DHX34: variants seen among roughly 807,000 people sequenced by gnomAD.
DHX34 encodes the protein probable ATP-dependent RNA helicase DHX34.
A neutral mutation model predicts 111.1 loss-of-function variants in DHX34; 96 were observed. That is an observed-to-expected ratio of 0.86 (90% CI 0.73 to 1.02). The LOEUF (loss-of-function observed/expected upper bound fraction) is 1.02, where lower values mean the gene tolerates loss of function less well. DHX34 is among the 50% of genes least tolerant of loss of function. The pLI, the probability that DHX34 is intolerant of heterozygous loss-of-function variation, is 0.00. For missense variants in DHX34, 1,560 were observed against 1,579.9 expected (o/e 0.99, Z 0.21); for synonymous variants, 688 against 670.4 (o/e 1.03, Z -0.41).
At position 47,355,190 on chromosome 19, in the gene DHX34, T is replaced by C. The variant is rs146308315; in HGVS notation, c.857T>C (p.Leu286Pro). The change falls in exon 3 of 17, where the codon CTC becomes CCC. Residue 286 changes from leucine (L) to proline (P), a missense_variant. Transcript: ENST00000328771. ...GTGGATGAAGTCCATGAGCGGCATC[T>C]CCACAACGATTTCCTCCTGGGCGTC... ...LIVDEVHERH[L>P]HNDFLLGVLQ... 29 of 1,614,162 alleles carry C rather than the reference T, an allele frequency of 1.8e-5. 1 individual carries two copies. The Admixed American group carries it at 3.7e-4, about 20-fold the overall frequency.
rs1421615750 is a variant in DHX34, at chr19:47,376,296, GC to G, written c.2482-144del. The G allele has an allele frequency of 4.7e-6, 7 of 1,497,644 alleles. No individual in the cohort carries two copies. In the East Asian group the frequency reaches 9.8e-5, roughly 21 times the overall value. The allele number at this position is 1,497,644 out of a possible 1,614,324, so 92.8% of individuals were successfully genotyped here. On this transcript the variant is annotated intron_variant, in intron 11 of 16. Coordinates refer to ENST00000328771, the MANE Select transcript of DHX34 (RefSeq NM_014681.6). ...TTGGGGAGTCAAGAGCACTATAGGA[GC>G]CCACAGGGGGCATCTGCCCCAGATT...
rs141707203 is a variant in DHX34, at chr19:47,363,290, T to C, written c.1593+597T>C. ...ATTTTTAGTAGAGATCAGGTCTTGC[T>C]ATGTTGCCCAGGCTGGTCTCAAACT... On this transcript the variant is annotated intron_variant, in intron 6 of 16. Transcript: ENST00000328771. Among the ~76,000 whole-genome samples, 602 of 152,094 alleles carry C rather than the reference T, an allele frequency of 4.0e-3. 5 individuals are homozygous for C. The highest frequency in any genetic ancestry group is 0.013 in the African/African-American group (543 of 41,524).
intron 5 of DHX34, among the ~76,000 whole-genome samples, chr19:47,361,673 G>A (rs1969635287): frequency 6.6e-6 from 1 of 152,160 alleles, no homozygotes; most frequent in Admixed American, 6.6e-5. Flanking sequence ...CAGCTACTCA[G>A]GAGGCTGAGG....
intron 9 of DHX34, among the ~76,000 whole-genome samples, chr19:47,374,436 C>CA (rs35585186): frequency 0.37 from 38,734 of 103,352 alleles, 6,971 homozygotes; most frequent in African/African-American, 0.5. Flanking sequence ...AAACTCCACT[C>CA]AAAAAAAAAA....
In DHX34 at chr19:47,372,802, T is replaced by TCCAGTCGCCCTTCACCCGCAGCGC. The variant is rs756233397; in HGVS notation, c.1846_1869dup (p.Pro617_Ser624dup). ...CTCACCATCGCAGCCGCACTTAGCG[T>TCCAGTCGCCCTTCACCCGCAGCGC]CCAGTCGCCCTTCACCCGCAGCGCC... On this transcript the variant is annotated inframe_insertion, in exon 8 of 17. Coordinates refer to ENST00000328771, the MANE Select transcript of DHX34 (RefSeq NM_014681.6). The TCCAGTCGCCCTTCACCCGCAGCGC allele has an allele frequency of 1.8e-4, 290 of 1,613,030 alleles. No individual in the cohort carries two copies. The highest frequency in any genetic ancestry group is 2.3e-4 in the Non-Finnish European group (269 of 1,179,840).
rs914600597 is a variant in DHX34 at position 47,382,235 on chromosome 19, G to C, written c.*122G>C. The C allele has an allele frequency of 2.8e-5, 41 of 1,458,312 alleles. No homozygotes were observed. The highest frequency in any genetic ancestry group is 3.7e-5 in the Non-Finnish European group (41 of 1,102,342). 90.3% of individuals were successfully genotyped at this position (1,458,312 alleles called of 1,614,324 possible). A position where few individuals can be genotyped will look rare whatever the true frequency, so the allele number is the denominator to read the frequency against. On this transcript the variant is annotated 3_prime_UTR_variant, in exon 17 of 17. Coordinates refer to ENST00000328771, the MANE Select transcript of DHX34 (RefSeq NM_014681.6). ...AGCCCTGTGGTCCTGTCCCAGTGCA[G>C]AGGGCCTGGAGCACGGATTGTGAAT...
At position 47,367,118 on chromosome 19, in the gene DHX34, G is replaced by C; in HGVS notation, c.1731G>C (p.Gly577=). 6.3e-7 allele frequency: 1 copy of C among 1,586,312 alleles called. No homozygotes were observed. Among genetic ancestry groups the C allele is most frequent in the Non-Finnish European group, 8.6e-7 (1 of 1,166,402 alleles). ...LDSSEALTPI[G]SLLAQLPVDV... ...GCTCAGAGGCCCTCACACCCATTGGGTCCCTGCTAGCCCAGCTGCCTGTGG... is the reference window on the plus strand; with the variant it reads ...GCTCAGAGGCCCTCACACCCATTGGCTCCCTGCTAGCCCAGCTGCCTGTGG... The change falls in exon 7 of 17, where the codon GGG becomes GGC. Residue 577 remains glycine, a synonymous_variant. Transcript: ENST00000328771.
intron 6 of DHX34, among the ~76,000 whole-genome samples, chr19:47,365,676 G>A (rs1014634022): frequency 6.6e-6 from 1 of 152,202 alleles, no homozygotes; most frequent in African/African-American, 2.4e-5. Flanking sequence ...TCGGATCAAA[G>A]CCAGGCAAAC....
At chr19:47,359,250 T>A (rs1969551161) in intron 4 of DHX34, among the ~76,000 whole-genome samples, 1 of 151,962 alleles carries the variant, frequency 6.6e-6, no homozygotes, top group African/African-American at 2.4e-5. Flanking sequence ...TCACTCGAGC[T>A]CAGGAGTTAG....
rs771321226 is a variant in DHX34 at position 47,370,050 on chromosome 19, G to T, written c.1769-2680G>T. ...CAGACCCTCTGACCCTGTCGTTCTT[G>T]TGTGCACCGTCAGTGTCTCAGGCAC... On this transcript the variant is annotated intron_variant, in intron 7 of 16. Coordinates refer to ENST00000328771, the MANE Select transcript of DHX34 (RefSeq NM_014681.6). 5.8e-4 allele frequency among the ~76,000 whole-genome samples: 89 copies of T among 152,170 alleles called. 1 individual carries two copies. The highest frequency in any genetic ancestry group is 2.9e-4 in the Non-Finnish European group (20 of 68,044).
At chr19:47,361,752 A>AT (rs553602559) in intron 5 of DHX34, among the ~76,000 whole-genome samples, 93 of 152,312 alleles carry the variant, frequency 6.1e-4, no homozygotes, top group African/African-American at 2.2e-3. Flanking sequence ...AGCCTGGGCA[A>AT]TAAGAGTGAA....
At chr19:47,364,751 G>A (rs1039718430) in intron 6 of DHX34, among the ~76,000 whole-genome samples, 6 of 152,046 alleles carry the variant, frequency 3.9e-5, no homozygotes, top group African/African-American at 1.4e-4. Context: ...AAAAAACAAA[G>A]TCCATGGGGT....
intron 1 of DHX34, among the ~76,000 whole-genome samples, chr19:47,350,230 GAAA>G (rs926283686): frequency 4.0e-5 from 6 of 151,626 alleles, no homozygotes; most frequent in African/African-American, 1.5e-4. Context: ...CAAAAGGGAG[GAAA>G]AAAAGATTCA....
Position 47,372,704 on chromosome 19 carries a change from C to T in DHX34, c.1769-26C>T, listed in dbSNP as rs1217934693. On this transcript the variant is annotated intron_variant, in intron 7 of 16. Coordinates refer to ENST00000328771, the MANE Select transcript of DHX34 (RefSeq NM_014681.6). ...CTGCGCCTGTCCTGGCACCCAGGAG[C>T]CTCAACCCCGTGTCCGCCGCTGCAG... 3.2e-6 allele frequency: 5 copies of T among 1,554,760 alleles called. No homozygotes were observed. The Admixed American group carries it at 7.4e-5, about 23-fold the overall frequency.
intron 14 of DHX34, among the ~76,000 whole-genome samples, 155 bp downstream of exon 14, chr19:47,380,140 C>T (rs1236287387): frequency 1.3e-5 from 2 of 152,202 alleles, no homozygotes; most frequent in Non-Finnish European, 2.9e-5. Context: ...CACAAGGTCA[C>T]TCCACTGGTC....
At chr19:47,379,553 C>G (rs556001174) in intron 13 of DHX34, 157 bp from the exon 14 acceptor site, 76 of 984,476 alleles carry the variant, frequency 7.7e-5, no homozygotes, top group Non-Finnish European at 1.8e-5. Flanking sequence ...CCCCAGCACC[C>G]GAAGGGGTGC....
chr19:47,379,582 G>A (rs889180991), intron 13 of DHX34, 128 bp from the exon 14 acceptor site: 8 of 1,475,554 alleles, frequency 5.4e-6, no homozygotes, highest in South Asian at 2.8e-5. Context: ...GCGGGTAGAT[G>A]GCGGGTAGGT....
intron 2 of DHX34, among the ~76,000 whole-genome samples, chr19:47,354,767 C>T (rs962758884): frequency 2.6e-5 from 4 of 152,214 alleles, no homozygotes; most frequent in South Asian, 4.1e-4. Context: ...TCTCCTGCCT[C>T]AGCCTCCCAA....
At chr19:47,351,475 A>G (rs1969285710) in intron 1 of DHX34, among the ~76,000 whole-genome samples, 1 of 152,100 alleles carries the variant, frequency 6.6e-6, no homozygotes, top group African/African-American at 2.4e-5. Flanking sequence ...AAGGGAACTA[A>G]GCTTCAAGAC....
Sources: gnomAD v4.1 joint callset for allele counts (sites outside exome capture counted in the v4.1 genomes callset) on GRCh38, gnomAD v4.1.1 for gene constraint, MANE v1.5 for transcripts, NCBI Gene and HGNC (gene_info 2026-07-23, HGNC 2026-07-21) for gene names.